COTL1: variants seen among roughly 807,000 people sequenced by gnomAD.
The protein encoded by COTL1 is coactosin like F-actin binding protein 1, also known as coactosin-like protein.
A neutral mutation model predicts 16.5 loss-of-function variants in COTL1; 15 were observed. The observed-to-expected ratio is 0.91, with a 90% CI of 0.61 to 1.40. COTL1 has a LOEUF of 1.40. Ranked by LOEUF, COTL1 falls within the 40% of genes most tolerant of loss-of-function variation. The pLI is 0.00. For missense variants in COTL1, 220 were observed against 201.5 expected (o/e 1.09, Z -0.56); for synonymous variants, 112 against 85.3 (o/e 1.31, Z -1.73).
At chr16:84,569,809 A>G (rs1050774690) in intron 3 of COTL1, among the ~76,000 whole-genome samples, 1 of 152,228 alleles carries the variant, frequency 6.6e-6, no homozygotes. Context: ...CCTGAGCCCC[A>G]CGGCATGAGG....
intron 3 of COTL1, among the ~76,000 whole-genome samples, chr16:84,569,941 G>C (rs191507625): frequency 6.6e-6 from 1 of 152,326 alleles, no homozygotes; most frequent in East Asian, 1.9e-4. Flanking sequence ...AAGAACACTT[G>C]AAGTTCCAGT....
At chr16:84,602,626 G>C (rs1222260917) in intron 2 of COTL1, among the ~76,000 whole-genome samples, 3 of 152,102 alleles carry the variant, frequency 2.0e-5, no homozygotes, top group African/African-American at 4.8e-5. Context: ...AGGCCAAGGC[G>C]AGCAGATCAC....
chr16:84,595,849 ATATG>A (rs1567536890), intron 2 of COTL1: 1 of 151,868 alleles, frequency 6.6e-6, no homozygotes, highest in African/African-American at 2.4e-5. Flanking sequence ...ACAGGTGTAT[ATATG>A]TGTGTATATA....
intron 2 of COTL1, among the ~76,000 whole-genome samples, chr16:84,598,081 C>T (rs143204835): frequency 2.5e-4 from 38 of 152,276 alleles, no homozygotes; most frequent in African/African-American, 7.0e-4. Flanking sequence ...ATCCTGAGGA[C>T]GGTGGTTTCC....
At chr16:84,597,007 A>G (rs1905019795) in intron 2 of COTL1, among the ~76,000 whole-genome samples, 1 of 152,080 alleles carries the variant, frequency 6.6e-6, no homozygotes, top group Non-Finnish European at 1.5e-5. Flanking sequence ...CCAGGGCCGC[A>G]TCCTAGCAGG....
intron 2 of COTL1, among the ~76,000 whole-genome samples, chr16:84,609,079 G>C (rs957719640): frequency 6.6e-6 from 1 of 152,166 alleles, no homozygotes; most frequent in Non-Finnish European, 1.5e-5. Flanking sequence ...CCTTAGGAAA[G>C]AAAGCAATTT....
intron 3 of COTL1, among the ~76,000 whole-genome samples, chr16:84,586,032 C>G (rs899597242): frequency 6.6e-6 from 1 of 152,172 alleles, no homozygotes; most frequent in Non-Finnish European, 1.5e-5. Flanking sequence ...GTGACCCAAG[C>G]TGGGCCAATC....
At chr16:84,575,348 A>G (rs1225834393) in intron 3 of COTL1, 2 of 145,138 alleles carry the variant, frequency 1.4e-5, no homozygotes, top group South Asian at 2.2e-4. Context: ...CATCCTTTTC[A>G]TTTTTATTTT....
intron 3 of COTL1, among the ~76,000 whole-genome samples, chr16:84,577,497 G>A (rs1010282502): frequency 6.6e-6 from 1 of 152,074 alleles, no homozygotes; most frequent in African/African-American, 2.4e-5. Context: ...CACCTGCCTC[G>A]GTCTCCCAAA....
chr16:84,594,199 C>T (rs755021231), intron 2 of COTL1, among the ~76,000 whole-genome samples: 4 of 149,324 alleles, frequency 2.7e-5, no homozygotes, highest in Admixed American at 2.7e-4. Context: ...TGGGATCCTT[C>T]CAAAATGGGG....
At chr16:84,575,003 C>T (rs561833897) in intron 3 of COTL1, among the ~76,000 whole-genome samples, 161 of 152,250 alleles carry the variant, frequency 1.1e-3, no homozygotes, top group Non-Finnish European at 1.9e-3. Context: ...AGTGCATGTT[C>T]TCCTGTCTTG....
intron 2 of COTL1, among the ~76,000 whole-genome samples, chr16:84,615,554 G>A (rs188529627): frequency 6.6e-6 from 1 of 152,348 alleles, no homozygotes; most frequent in Admixed American, 6.5e-5. Flanking sequence ...CGGGAGGAAA[G>A]AAGCTGAATT....
chr16:84,571,247 C>G (rs746153076), intron 3 of COTL1, among the ~76,000 whole-genome samples: 10 of 152,078 alleles, frequency 6.6e-5, no homozygotes, highest in Admixed American at 2.6e-4. Context: ...GGTGTACAGC[C>G]TGGGACTCGA....
chr16:84,583,069 G>A (rs994247453), intron 3 of COTL1, among the ~76,000 whole-genome samples: 9 of 152,284 alleles, frequency 5.9e-5, no homozygotes, highest in Admixed American at 3.3e-4. Flanking sequence ...TGCGGCCTTC[G>A]AACCTCTTCC....
chr16:84,576,149 C>G (rs1904448723), intron 3 of COTL1: 1 of 152,212 alleles, frequency 6.6e-6, no homozygotes, highest in African/African-American at 2.4e-5. Context: ...CAGAAGATGA[C>G]AAATCCGGCT....
chr16:84,602,524 T>A (rs1395830564), intron 2 of COTL1, among the ~76,000 whole-genome samples: 4 of 151,858 alleles, frequency 2.6e-5, no homozygotes, highest in African/African-American at 9.7e-5. Context: ...TGGACAGACA[T>A]AACAACTGAT....
intron 2 of COTL1, among the ~76,000 whole-genome samples, chr16:84,599,239 C>T (rs973092525): frequency 6.6e-6 from 1 of 152,230 alleles, no homozygotes. Flanking sequence ...AGATTCTAGT[C>T]TCCTCTGCGT....
chr16:84,573,935 C>T (rs568395832), intron 3 of COTL1, among the ~76,000 whole-genome samples: 13 of 152,040 alleles, frequency 8.6e-5, no homozygotes, highest in East Asian at 1.9e-4. Flanking sequence ...AAGGGAGAAT[C>T]GCTTGAACCC....
intron 3 of COTL1, chr16:84,577,155 A>G (rs1170882992): frequency 6.6e-6 from 1 of 152,196 alleles, no homozygotes; most frequent in Non-Finnish European, 1.5e-5. Context: ...AACTATTCAA[A>G]GTGCTTGAAA....
Sources: allele counts gnomAD v4.1 joint callset (sites outside exome capture counted in the v4.1 genomes callset), GRCh38; gene constraint gnomAD v4.1.1; transcripts MANE v1.5; gene names NCBI Gene and HGNC (gene_info 2026-07-23, HGNC 2026-07-21).